FAM83G: variants seen among roughly 807,000 people sequenced by gnomAD.
FAM83G encodes the protein scaffolding CK1 anchoring protein G.
Under a neutral mutation model 61.5 loss-of-function variants are expected in FAM83G, and 38 were observed. The ratio of observed to expected loss-of-function variants is 0.62; its 90% CI spans 0.48 to 0.81. The LOEUF (loss-of-function observed/expected upper bound fraction) is 0.81. Among genes scored for constraint, FAM83G ranks in the 30% least tolerant of loss-of-function variants. FAM83G has a pLI of 0.00. For missense variants in FAM83G, 989 were observed against 1,133.6 expected, an observed-to-expected ratio of 0.87 and a Z score of 1.83; for synonymous variants, 470 against 476.1, an observed-to-expected ratio of 0.99 and a Z score of 0.17.
At chr17:18,988,929 C>A (rs959110987) in intron 2 of FAM83G, among the ~76,000 whole-genome samples, 1 of 152,228 alleles carries the variant, frequency 6.6e-6, no homozygotes, top group African/African-American at 2.4e-5. Flanking sequence ...CAGCCAAGCA[C>A]CACCAACAGG....
intron 3 of FAM83G, among the ~76,000 whole-genome samples, chr17:18,980,751 G>A (rs942173300): frequency 1.1e-4 from 17 of 152,146 alleles, no homozygotes; most frequent in African/African-American, 4.1e-4. Flanking sequence ...AGGTGTAAAG[G>A]GGACCTGGGG....
At chr17:18,985,540 CG>C (rs892466319) in intron 3 of FAM83G, among the ~76,000 whole-genome samples, 4 of 152,058 alleles carry the variant, frequency 2.6e-5, no homozygotes, top group African/African-American at 4.8e-5. Context: ...GAAGTGCTCC[CG>C]GGACAGGTCT....
chr17:18,971,789 G>C lies in FAM83G; in HGVS notation c.2083-41C>G. 1 of 1,521,514 alleles carries C rather than the reference G, an allele frequency of 6.6e-7. No individual in the cohort carries two copies. The highest frequency in any genetic ancestry group is 1.3e-5 in the South Asian group (1 of 76,040). The allele number at this position is 1,521,514 out of a possible 1,614,324, so 94.3% of individuals were successfully genotyped here. On this transcript the variant is annotated intron_variant, in intron 5 of 5. Transcript: ENST00000388995. The surrounding 1 kb of genome is among the most constrained non-coding windows in gnomAD (Gnocchi z 5.5). Reference sequence around the variant, plus strand: ...CAGAGAGTGAGGCTGAGCAAGAAGGGCCAACCCCGCCCCAGCACAGGACCC... The same window carrying C: ...CAGAGAGTGAGGCTGAGCAAGAAGGCCCAACCCCGCCCCAGCACAGGACCC...
At chr17:18,997,240 T>C (rs928363751) in intron 2 of FAM83G, among the ~76,000 whole-genome samples, 1 of 152,206 alleles carries the variant, frequency 6.6e-6, no homozygotes, top group South Asian at 2.1e-4. Context: ...ACCCTGAGTC[T>C]CCTACCTCCC....
intron 2 of FAM83G, among the ~76,000 whole-genome samples, chr17:18,992,753 T>C (rs1364030799): frequency 2.0e-5 from 3 of 152,178 alleles, no homozygotes; most frequent in African/African-American, 7.2e-5. Context: ...AGGCCCTTCG[T>C]CTCTGATGTC....
intron 5 of FAM83G, chr17:18,977,001 T>C: frequency 6.2e-7 from 1 of 1,610,642 alleles, no homozygotes; most frequent in Non-Finnish European, 8.5e-7. Flanking sequence ...TAGGACGGGC[T>C]CCGGGCACTG....
chr17:18,987,213 G>A (rs2043292417), intron 3 of FAM83G, among the ~76,000 whole-genome samples: 1 of 152,216 alleles, frequency 6.6e-6, no homozygotes, highest in South Asian at 2.1e-4. Context: ...AGACACTGGT[G>A]CTGAGCCCAA....
In FAM83G at chr17:18,977,910, C is replaced by T. The variant is rs2043022158; in HGVS notation, c.1756G>A (p.Asp586Asn). ...LDGVEEEDDD[D>N]YVTLSDQDSH... ...TCCTGGTCACTGAGGGTTACGTAGT[C>T]GTCATCATCTTCTTCTTCCACCCCA... The change falls in exon 5 of 6, where the codon GAC becomes AAC. Residue 586 changes from aspartate to asparagine, a missense_variant. Physicochemically the swap from Asp to Asn is conservative, Grantham distance 23. Coordinates refer to ENST00000388995, the MANE Select transcript of FAM83G (RefSeq NM_001039999.3). 1.9e-6 allele frequency: 3 copies of T among 1,610,252 alleles called. No homozygotes were observed. Among genetic ancestry groups the T allele is most frequent in the Non-Finnish European group, 2.5e-6 (3 of 1,179,304 alleles).
Position 18,968,838 on chromosome 17 carries a change from C to G in FAM83G, c.*2521G>C, listed in dbSNP as rs537020289. 5.2e-6 allele frequency: 3 copies of G among 573,828 alleles called. No individual in the cohort carries two copies. Among genetic ancestry groups the G allele is most frequent in the Non-Finnish European group, 9.3e-6 (3 of 323,246 alleles). The allele number at this position is 573,828 out of a possible 1,614,324, so 35.5% of individuals were successfully genotyped here. On this transcript the variant is annotated 3_prime_UTR_variant, in exon 6 of 6. Coordinates refer to ENST00000388995, the MANE Select transcript of FAM83G (RefSeq NM_001039999.3). This position sits in a 1 kb window ranked among gnomAD's most constrained non-coding sequence, Gnocchi z 4.1. ...TGGACTTTATTAGCAACAGTAATGT[C>G]CCCTGACATCCGCACAAGCTTGTAG...
chr17:18,998,659 C>T (rs572873734), intron 2 of FAM83G, among the ~76,000 whole-genome samples: 6 of 152,210 alleles, frequency 3.9e-5, no homozygotes, highest in South Asian at 4.1e-4. Context: ...GGGCTGCTCC[C>T]GGCTCTCCTC....
rs746792856 is a variant in FAM83G at position 18,971,610 on chromosome 17, G to T, written c.2221C>A (p.Pro741Thr). ...CCTCCCTTGGCCTGCCAGTGGTGGG[G>T]GCCAGCCATGGCTGGGCCAGCGTTT... ...TRNAGPAMAG[P>T]HHWQAKGGQV... is the part of the protein sequence containing the mutation. The change falls in exon 6 of 6, where the codon CCC (proline) becomes ACC (threonine). Residue 741 changes from proline to threonine, a missense_variant. By Grantham distance (38) the Pro-to-Thr change is conservative. Coordinates refer to ENST00000388995, the MANE Select transcript of FAM83G (RefSeq NM_001039999.3). This position sits in a 1 kb window ranked among gnomAD's most constrained non-coding sequence, Gnocchi z 5.5. 4 of 1,613,520 alleles carry T rather than the reference G, an allele frequency of 2.5e-6. No individual in the cohort carries two copies. Among genetic ancestry groups the T allele is most frequent in the Non-Finnish European group, 2.5e-6 (3 of 1,179,972 alleles).
intron 5 of FAM83G, chr17:18,977,329 G>A: frequency 1.7e-6 from 1 of 584,902 alleles, no homozygotes; most frequent in Admixed American, 3.3e-5. Flanking sequence ...GAGACCTCTA[G>A]GTGGGGAAAC....
chr17:18,986,904 C>T (rs2043283427), intron 3 of FAM83G, among the ~76,000 whole-genome samples: 1 of 152,252 alleles, frequency 6.6e-6, no homozygotes, highest in African/African-American at 2.4e-5. Flanking sequence ...CATGAGCTAT[C>T]TGCCACTGGA....
Position 18,978,307 on chromosome 17 carries a change from G to T in FAM83G, c.1359C>A (p.Ser453=). The part of the protein sequence containing the change: ...QMNRIKIRDT[S]QASAQHQLWK... ...ACAGCTGGTGCTGGGCGCTGGCCTG[G>T]GAGGTGTCACGGATCTTGATGCGGT... The change falls in exon 5 of 6, where the codon TCC becomes TCA. Residue 453 remains serine, a synonymous_variant. Transcript: ENST00000388995. 6.2e-7 allele frequency: 1 copy of T among 1,610,782 alleles called. No homozygotes were observed. The highest frequency in any genetic ancestry group is 2.2e-5 in the East Asian group (1 of 44,822).
intron 2 of FAM83G, among the ~76,000 whole-genome samples, chr17:18,999,634 A>G (rs1358129018): frequency 6.6e-6 from 1 of 152,238 alleles, no homozygotes; most frequent in Non-Finnish European, 1.5e-5. Flanking sequence ...TAAGCACCTC[A>G]TTAAGCTGCT....
At chr17:18,978,968 G>C in intron 4 of FAM83G, 118 bp from the exon 5 acceptor site, 1 of 1,149,904 alleles carries the variant, frequency 8.7e-7, no homozygotes, top group South Asian at 1.5e-5. Context: ...GGATCAAGAA[G>C]TGAATGGGGG....
In FAM83G at chr17:18,970,695, C is replaced by A; in HGVS notation, c.*664G>T. On this transcript the variant is annotated 3_prime_UTR_variant, in exon 6 of 6. Transcript: ENST00000388995. ...CGACAATCGGAAACCTGGCTGAGAACCACTTGCCCAAGGCCGATGAGTGTC... is the reference window on the plus strand; with the variant it reads ...CGACAATCGGAAACCTGGCTGAGAAACACTTGCCCAAGGCCGATGAGTGTC... The A allele has an allele frequency of 2.7e-6, 1 of 369,964 alleles. No homozygotes were observed. Among genetic ancestry groups the A allele is most frequent in the South Asian group, 3.9e-5 (1 of 25,666 alleles). The allele number at this position is 369,964 out of a possible 1,614,324, so 22.9% of individuals were successfully genotyped here. A position where few individuals can be genotyped will look rare whatever the true frequency, so the allele number is the denominator to read the frequency against.
intron 4 of FAM83G, chr17:18,979,190 C>A (rs572840343): frequency 6.4e-6 from 3 of 471,482 alleles, no homozygotes; most frequent in East Asian, 7.7e-5. Flanking sequence ...TGCCACCAAC[C>A]CCCATGTAAC....
Position 18,979,487 on chromosome 17 carries a change from C to T in FAM83G, c.815+62G>A. ...GAATAACCAGGGTTAGGATTAAGGGCAGAAGCCAGTTGGGAGCCAGAGGTA... is the reference window on the plus strand; with the variant it reads ...GAATAACCAGGGTTAGGATTAAGGGTAGAAGCCAGTTGGGAGCCAGAGGTA... On this transcript the variant is annotated intron_variant, in intron 4 of 5. Coordinates refer to ENST00000388995, the MANE Select transcript of FAM83G (RefSeq NM_001039999.3). 1.9e-6 allele frequency: 3 copies of T among 1,592,022 alleles called. No homozygotes were observed. In the South Asian group the frequency reaches 3.4e-5, roughly 18 times the overall value.
Sources: allele counts gnomAD v4.1 joint callset (sites outside exome capture counted in the v4.1 genomes callset), GRCh38; gene constraint gnomAD v4.1.1; non-coding constraint Gnocchi (gnomAD v3.1); transcripts MANE v1.5; gene names NCBI Gene and HGNC (gene_info 2026-07-23, HGNC 2026-07-21).